The following PSD3 variants were observed in gnomAD, a reference collection of about 807,000 sequenced individuals.
PSD3 encodes the protein pleckstrin and Sec7 domain containing 3, also known as PH and SEC7 domain-containing protein 3.
PSD3 carries 49 observed loss-of-function variants against 105.5 expected under a neutral mutation model. That is an observed-to-expected ratio of 0.46 (90% CI 0.37 to 0.59). The LOEUF (loss-of-function observed/expected upper bound fraction) is 0.59. Among genes scored for constraint, PSD3 ranks in the 20% least tolerant of loss-of-function variants. PSD3 has a pLI of 0.00. For missense variants in PSD3, 1,561 were observed against 1,263.8 expected, an observed-to-expected ratio of 1.24 and a Z score of -3.57; for synonymous variants, 557 against 457.8, an observed-to-expected ratio of 1.22 and a Z score of -2.77.
chr8:18,841,356 G>C (rs1250033569), intron 4 of PSD3, among the ~76,000 whole-genome samples: 1 of 152,136 alleles, frequency 6.6e-6, no homozygotes, highest in Non-Finnish European at 1.5e-5. Context: ...CCCAGAGAGT[G>C]GAGCTCAGCA....
At chr8:18,630,441 C>A (rs553712852) in intron 11 of PSD3, among the ~76,000 whole-genome samples, 2 of 151,846 alleles carry the variant, frequency 1.3e-5, no homozygotes, top group African/African-American at 4.8e-5. Flanking sequence ...GCCACTGGGT[C>A]CAGGAAAACA....
intron 2 of PSD3, among the ~76,000 whole-genome samples, chr8:18,902,346 T>C (rs1284728274): frequency 6.6e-6 from 1 of 152,298 alleles, no homozygotes; most frequent in Admixed American, 6.5e-5. Context: ...TAATTCTTTT[T>C]TATAATTTCT....
Position 18,842,146 on chromosome 8 carries a change from G to C in PSD3, c.1634+25528C>G, listed in dbSNP as rs375919989. On this transcript the variant is annotated intron_variant, in intron 4 of 15. Transcript: ENST00000327040. ...CTACTGCTGGGTCCATAATGAGCCT[G>C]GCATCTGCTGACAGAGGATTACACC... is the stretch of plus-strand genomic sequence containing the variant. 7.7e-4 allele frequency among the ~76,000 whole-genome samples: 118 copies of C among 152,298 alleles called. 2 individuals are homozygous for C. The South Asian group carries it at 0.024, about 31-fold the overall frequency.
At chr8:18,682,904 C>T (rs186341621) in intron 9 of PSD3, among the ~76,000 whole-genome samples, 25 of 152,112 alleles carry the variant, frequency 1.6e-4, no homozygotes, top group East Asian at 1.6e-3. Context: ...CACCTCCTGA[C>T]GCTCTCTCTG....
At chr8:18,658,385 A>G (rs946454998) in intron 9 of PSD3, among the ~76,000 whole-genome samples, 5 of 152,176 alleles carry the variant, frequency 3.3e-5, no homozygotes, top group Admixed American at 2.0e-4. Flanking sequence ...ATTCTTCTTT[A>G]TCTCTAACCT....
At chr8:18,973,844 C>G (rs777114693) in intron 1 of PSD3, among the ~76,000 whole-genome samples, 4 of 152,174 alleles carry the variant, frequency 2.6e-5, no homozygotes, top group African/African-American at 7.2e-5. Flanking sequence ...TAAGGACTTA[C>G]TATGAACCAA....
At chr8:18,890,854 T>G (rs548747221) in intron 2 of PSD3, among the ~76,000 whole-genome samples, 5 of 152,066 alleles carry the variant, frequency 3.3e-5, no homozygotes, top group African/African-American at 9.6e-5. Flanking sequence ...AGGGGTCGAG[T>G]GGCAGAAAGT....
intron 1 of PSD3, among the ~76,000 whole-genome samples, chr8:19,023,493 G>C (rs761454596): frequency 2.6e-5 from 4 of 151,820 alleles, no homozygotes; most frequent in Non-Finnish European, 5.9e-5. Context: ...CTGTGGTGCA[G>C]TCATAGATCA....
At chr8:19,084,245 G>C (rs1829736454) in exon 1 of PSD3, 2 of 454,470 alleles carry the variant, frequency 4.4e-6, no homozygotes, top group African/African-American at 4.0e-5. Flanking sequence ...GGCAGCCCTT[G>C]CTGGTGTGCA....
chr8:18,550,147 G>T (rs1444833303), intron 15 of PSD3, among the ~76,000 whole-genome samples: 2 of 152,256 alleles, frequency 1.3e-5, no homozygotes, highest in Middle Eastern at 3.4e-3. Flanking sequence ...GATGAAGGAG[G>T]GATTTAAGGA....
At chr8:18,920,562 C>T (rs554620221) in intron 2 of PSD3, among the ~76,000 whole-genome samples, 14 of 152,158 alleles carry the variant, frequency 9.2e-5, no homozygotes, top group East Asian at 5.8e-4. Context: ...AATCTTCTCT[C>T]GATTTACATG....
intron 9 of PSD3, among the ~76,000 whole-genome samples, chr8:18,692,086 G>A (rs1385172270): frequency 6.6e-6 from 1 of 152,154 alleles, no homozygotes; most frequent in African/African-American, 2.4e-5. Context: ...AAAAAAGGGT[G>A]ACCATTTGGT....
intron 12 of PSD3, among the ~76,000 whole-genome samples, chr8:18,596,615 T>C (rs1804116039): frequency 6.6e-6 from 1 of 151,754 alleles, no homozygotes; most frequent in Non-Finnish European, 1.5e-5. Flanking sequence ...AACACTCAAA[T>C]AAATAAAATC....
At chr8:19,028,109 T>C (rs144561384) in intron 1 of PSD3, among the ~76,000 whole-genome samples, 72 of 152,286 alleles carry the variant, frequency 4.7e-4, no homozygotes, top group African/African-American at 1.6e-3. Context: ...ACATTTGGTA[T>C]TGTCAACTTT....
At chr8:18,631,799 T>C (rs192948054) in intron 11 of PSD3, among the ~76,000 whole-genome samples, 156 of 152,090 alleles carry the variant, frequency 1.0e-3, no homozygotes, top group African/African-American at 3.7e-3. Context: ...TCTCTCCATG[T>C]AAGCTAATAG....
chr8:18,833,082 T>C (rs931712574), intron 4 of PSD3, among the ~76,000 whole-genome samples: 2 of 152,238 alleles, frequency 1.3e-5, no homozygotes, highest in African/African-American at 4.8e-5. Flanking sequence ...TTTTTAAAGA[T>C]TTAAAATGTT....
At chr8:18,618,618 G>A (rs1317060180) in intron 11 of PSD3, among the ~76,000 whole-genome samples, 32 of 140,976 alleles carry the variant, frequency 2.3e-4, no homozygotes, top group South Asian at 7.4e-4. Flanking sequence ...GTACCAGGCA[G>A]TGTACTACAC....
At chr8:19,064,679 C>T (rs914634798) in intron 1 of PSD3, among the ~76,000 whole-genome samples, 2 of 152,140 alleles carry the variant, frequency 1.3e-5, no homozygotes. Context: ...GCTTTAAAAA[C>T]GTTAGGAATA....
At chr8:19,031,504 A>G (rs1827768096) in intron 1 of PSD3, among the ~76,000 whole-genome samples, 1 of 152,178 alleles carries the variant, frequency 6.6e-6, no homozygotes, top group Non-Finnish European at 1.5e-5. Flanking sequence ...TCCTTCTATA[A>G]TATTTTCTGT....
Sources: gnomAD v4.1 joint callset for allele counts (sites outside exome capture counted in the v4.1 genomes callset) on GRCh38, gnomAD v4.1.1 for gene constraint, MANE v1.5 for transcripts, NCBI Gene and HGNC (gene_info 2026-07-23, HGNC 2026-07-21) for gene names.